The following MYO3B variants were observed in gnomAD, a reference collection of about 807,000 sequenced individuals.
The protein encoded by MYO3B is myosin IIIB.
MYO3B carries 156 observed loss-of-function variants against 174.6 expected under a neutral mutation model. That is an observed-to-expected ratio of 0.89 (90% CI 0.78 to 1.02). The LOEUF is 1.02. Among genes scored for constraint, MYO3B ranks in the 50% least tolerant of loss-of-function variants. The pLI is 0.00. For synonymous variants in MYO3B, 563 were observed against 569.1 expected (o/e 0.99, Z 0.15); for missense variants, 1,632 against 1,639.4 (o/e 1.00, Z 0.08).
intron 7 of MYO3B, among the ~76,000 whole-genome samples, chr2:170,248,308 C>G (rs1478615460): frequency 6.6e-6 from 1 of 152,142 alleles, no homozygotes; most frequent in Non-Finnish European, 1.5e-5. Flanking sequence ...TCACAGGGAT[C>G]CTATCTGCCT....
chr2:170,499,849 G>T lies in MYO3B; in HGVS notation c.3289+41G>T, dbSNP rs762895321. On this transcript the variant is annotated intron_variant, in intron 27 of 34. Coordinates refer to ENST00000408978, the MANE Select transcript of MYO3B (RefSeq NM_138995.5). ...CTCATAAATACTGCCCTGGGTATTG[G>T]CATGTCATTAAGTACTGGGGAATAC... The T allele has an allele frequency of 8.1e-6, 13 of 1,597,186 alleles. No homozygotes were observed. The South Asian group carries it at 1.3e-4, about 16-fold the overall frequency.
chr2:170,558,869 C>T (rs972929376), intron 32 of MYO3B, among the ~76,000 whole-genome samples: 2 of 152,326 alleles, frequency 1.3e-5, no homozygotes, highest in East Asian at 1.9e-4. Context: ...CTCCCTATAT[C>T]CCTCTTTCCT....
At chr2:170,474,072 GCAAT>G (rs1475498115) in intron 25 of MYO3B, among the ~76,000 whole-genome samples, 1 of 152,168 alleles carries the variant, frequency 6.6e-6, no homozygotes, top group African/African-American at 2.4e-5. Flanking sequence ...CTGGATCCAG[GCAAT>G]CAAACAGTTT....
intron 30 of MYO3B, among the ~76,000 whole-genome samples, chr2:170,521,746 C>G (rs1184461013): frequency 6.6e-6 from 1 of 152,008 alleles, no homozygotes; most frequent in Non-Finnish European, 1.5e-5. Context: ...TGCCCTTGGC[C>G]TGTCCTTCCT....
chr2:170,414,583 A>G (rs993719913), intron 22 of MYO3B, among the ~76,000 whole-genome samples: 1 of 152,200 alleles, frequency 6.6e-6, no homozygotes, highest in Non-Finnish European at 1.5e-5. Flanking sequence ...CTTTCCATAT[A>G]AATTTTAAAT....
rs750438385 is a variant in MYO3B, at chr2:170,515,003, C to T, written c.3453C>T (p.Ser1151=). ...TRGSAEVQDC[S]EPGDHKVLRG... ...GAAGTGCCGAGGTTCAAGACTGCAG[C>T]GAGCCTGGTGACCATAAAGGTAGAG... The change falls in exon 29 of 35, where the codon AGC becomes AGT. Residue 1151 remains serine, a synonymous_variant. Coordinates refer to ENST00000408978, the MANE Select transcript of MYO3B (RefSeq NM_138995.5). 6.8e-6 allele frequency: 11 copies of T among 1,613,734 alleles called. No homozygotes were observed. The highest frequency in any genetic ancestry group is 3.3e-5 in the South Asian group (3 of 91,004).
chr2:170,221,195 A>G (rs2092896246), intron 6 of MYO3B, among the ~76,000 whole-genome samples: 1 of 152,092 alleles, frequency 6.6e-6, no homozygotes, highest in South Asian at 2.1e-4. Context: ...GCTTGTATGA[A>G]TAAGTGGTCT....
chr2:170,522,081 C>T (rs1287982416), intron 30 of MYO3B, among the ~76,000 whole-genome samples: 1 of 152,154 alleles, frequency 6.6e-6, no homozygotes, highest in Non-Finnish European at 1.5e-5. Context: ...TTCTCTTCCG[C>T]TTACCATTAA....
rs538431722 is a variant in MYO3B at position 170,178,265 on chromosome 2, C to T, written c.-23C>T. 170 of 1,614,092 alleles carry T rather than the reference C, an allele frequency of 1.1e-4. No homozygotes were observed. The South Asian group carries it at 1.5e-3, about 14-fold the overall frequency. On this transcript the variant is annotated 5_prime_UTR_variant, in exon 1 of 35. Transcript: ENST00000408978. ...AATGAGAATCCAATCTCTCATAAGCCGGATTCAGAAAATAGGTCATCGATG... is the reference window on the plus strand; with the variant it reads ...AATGAGAATCCAATCTCTCATAAGCTGGATTCAGAAAATAGGTCATCGATG...
intron 1 of MYO3B, among the ~76,000 whole-genome samples, chr2:170,196,626 T>C (rs1053759974): frequency 3.3e-5 from 5 of 152,252 alleles, no homozygotes; most frequent in African/African-American, 1.2e-4. Flanking sequence ...TCCTTCTCTG[T>C]CCATTTTTCT....
intron 8 of MYO3B, among the ~76,000 whole-genome samples, chr2:170,354,100 A>G (rs962149767): frequency 1.3e-5 from 2 of 152,252 alleles, no homozygotes; most frequent in Non-Finnish European, 2.9e-5. Flanking sequence ...CATAGTATGT[A>G]CAGTTGTCTA....
chr2:170,566,923 A>G (rs1198056190), intron 32 of MYO3B, among the ~76,000 whole-genome samples: 1 of 152,160 alleles, frequency 6.6e-6, no homozygotes, highest in Non-Finnish European at 1.5e-5. Context: ...ACCCTGATGA[A>G]GAACCACATC....
In MYO3B at chr2:170,652,929, T is replaced by C. The variant is rs73013561; in HGVS notation, c.3888-54T>C. ...ATGACTTTAGCTGCCCCAGTGATGA[T>C]TGTAACATTTGTTTTATTTTTTGTT... On this transcript the variant is annotated intron_variant, in intron 34 of 34. Transcript: ENST00000408978. The C allele has an allele frequency of 4.1e-3, 6,526 of 1,605,638 alleles. 233 individuals are homozygous for C. The African/African-American group carries it at 0.077, about 19-fold the overall frequency.
intron 12 of MYO3B, chr2:170,385,957 C>T (rs1270766907): frequency 6.3e-6 from 2 of 316,136 alleles, no homozygotes; most frequent in Non-Finnish European, 1.2e-5. Context: ...AAGGAAAAAA[C>T]TCAAATATCC....
chr2:170,356,764 T>C (rs1280944160), intron 8 of MYO3B, among the ~76,000 whole-genome samples: 1 of 152,160 alleles, frequency 6.6e-6, no homozygotes, highest in Non-Finnish European at 1.5e-5. Flanking sequence ...TTTATTTATT[T>C]ATTTTTATTT....
intron 32 of MYO3B, among the ~76,000 whole-genome samples, chr2:170,605,153 C>T (rs1250385677): frequency 1.3e-5 from 2 of 152,158 alleles, no homozygotes; most frequent in Non-Finnish European, 2.9e-5. Flanking sequence ...TCTCATTCCG[C>T]CTCTCAGCAG....
intron 32 of MYO3B, among the ~76,000 whole-genome samples, chr2:170,595,025 G>A (rs1694056981): frequency 6.6e-6 from 1 of 152,140 alleles, no homozygotes; most frequent in South Asian, 2.1e-4. Flanking sequence ...ACCTGTGCAG[G>A]AGAGGGACAT....
intron 7 of MYO3B, among the ~76,000 whole-genome samples, chr2:170,326,938 C>T (rs1192906878): frequency 1.3e-5 from 2 of 152,218 alleles, no homozygotes; most frequent in Non-Finnish European, 2.9e-5. Flanking sequence ...AGGACGTGAA[C>T]ACCTGTCACT....
intron 32 of MYO3B, among the ~76,000 whole-genome samples, chr2:170,645,876 G>A (rs181325444): frequency 8.5e-5 from 13 of 152,140 alleles, no homozygotes; most frequent in South Asian, 2.1e-4. Flanking sequence ...CACATTTATC[G>A]CCGCTTTGTC....
Sources: gnomAD v4.1 joint callset for allele counts (sites outside exome capture counted in the v4.1 genomes callset) on GRCh38, gnomAD v4.1.1 for gene constraint, MANE v1.5 for transcripts, NCBI Gene and HGNC (gene_info 2026-07-23, HGNC 2026-07-21) for gene names.